ASIC2: variants seen among roughly 807,000 people sequenced by gnomAD.
The protein encoded by ASIC2 is acid sensing ion channel subunit 2, also known as acid-sensing ion channel 2.
In ASIC2, 25 loss-of-function variants were observed where a neutral mutation model predicts 57.3. The observed-to-expected ratio is 0.44, with a 90% CI of 0.32 to 0.61. The LOEUF (loss-of-function observed/expected upper bound fraction) is 0.61. Among genes scored for constraint, ASIC2 ranks in the 20% least tolerant of loss-of-function variants. The pLI, the probability that ASIC2 is intolerant of heterozygous loss-of-function variation, is 0.06. For missense variants in ASIC2, 641 were observed against 738.1 expected (o/e 0.87, Z 1.52); for synonymous variants, 319 against 307.5 (o/e 1.04, Z -0.39).
intron 1 of ASIC2, among the ~76,000 whole-genome samples, chr17:33,180,288 A>G (rs981332556): frequency 2.6e-5 from 4 of 152,214 alleles, no homozygotes; most frequent in African/African-American, 9.7e-5. Flanking sequence ...TTTGTTAGCT[A>G]TGTTGTTAGT....
intron 1 of ASIC2, among the ~76,000 whole-genome samples, chr17:34,122,943 T>C (rs1021537434): frequency 1.3e-5 from 2 of 152,250 alleles, no homozygotes; most frequent in East Asian, 3.9e-4. Context: ...TAATAAAATA[T>C]CCAAATCTGA....
At chr17:33,595,873 A>G (rs1235633507) in intron 1 of ASIC2, among the ~76,000 whole-genome samples, 1 of 152,222 alleles carries the variant, frequency 6.6e-6, no homozygotes, top group Admixed American at 6.5e-5. Context: ...CCCAGGCCTC[A>G]GCTGTGTCTT....
intron 7 of ASIC2, among the ~76,000 whole-genome samples, chr17:33,018,974 A>G (rs1468369014): frequency 6.6e-6 from 1 of 152,138 alleles, no homozygotes. Flanking sequence ...TGCCCGGGTG[A>G]ACAACAGAGA....
chr17:34,127,268 C>T (rs539089706), intron 1 of ASIC2, among the ~76,000 whole-genome samples: 3 of 152,304 alleles, frequency 2.0e-5, no homozygotes, highest in Non-Finnish European at 2.9e-5. Context: ...TCTGGGTCTG[C>T]CTCTGCATCT....
chr17:33,930,820 G>C (rs1037309999), intron 1 of ASIC2, among the ~76,000 whole-genome samples: 1 of 152,232 alleles, frequency 6.6e-6, no homozygotes, highest in Admixed American at 6.5e-5. Context: ...CCCACAGGTG[G>C]TGGAGGGGAT....
chr17:33,695,360 G>C (rs1908492010), intron 1 of ASIC2, among the ~76,000 whole-genome samples: 1 of 152,182 alleles, frequency 6.6e-6, no homozygotes, highest in East Asian at 1.9e-4. Context: ...CTATGGGGTT[G>C]TGGGGCTGGG....
At chr17:33,410,371 G>A (rs150240112) in intron 1 of ASIC2, among the ~76,000 whole-genome samples, 2 of 152,326 alleles carry the variant, frequency 1.3e-5, no homozygotes, top group East Asian at 3.9e-4. Context: ...AAACGTACAT[G>A]AGAGAAGAAC....
At chr17:33,986,745 G>T (rs1210577061) in intron 1 of ASIC2, among the ~76,000 whole-genome samples, 1 of 152,018 alleles carries the variant, frequency 6.6e-6, no homozygotes, top group African/African-American at 2.4e-5. Flanking sequence ...GTAATCCTTT[G>T]AGGTGAGTCT....
chr17:33,678,393 C>T lies in ASIC2; in HGVS notation c.555+477585G>A, dbSNP rs559469638. Among the ~76,000 whole-genome samples, 179 of 148,696 alleles carry T rather than the reference C, an allele frequency of 1.2e-3. 1 individual carries two copies. The highest frequency in any genetic ancestry group is 2.1e-3 in the Non-Finnish European group (140 of 67,446). ...TTCTCTGTGGGTTGAGGAGAGTTTT[C>T]ATTAACATCTCCAAGTTCTGAACTA... On this transcript the variant is annotated intron_variant, in intron 1 of 9. Transcript: ENST00000359872.
chr17:33,263,190 G>C (rs1909345536), intron 1 of ASIC2, among the ~76,000 whole-genome samples: 1 of 152,142 alleles, frequency 6.6e-6, no homozygotes, highest in Non-Finnish European at 1.5e-5. Context: ...ATAAAGACAA[G>C]CCGGGGACCT....
intron 1 of ASIC2, among the ~76,000 whole-genome samples, chr17:33,551,398 C>T (rs894527002): frequency 1.3e-5 from 2 of 152,070 alleles, no homozygotes; most frequent in African/African-American, 4.8e-5. Flanking sequence ...GGGCATGGGC[C>T]AAGGCAGCAC....
intron 1 of ASIC2, among the ~76,000 whole-genome samples, chr17:33,845,451 A>G (rs1438838881): frequency 6.6e-6 from 1 of 151,248 alleles, no homozygotes; most frequent in African/African-American, 2.5e-5. Context: ...GTAAGAGAGC[A>G]GCCTTGAATG....
intron 1 of ASIC2, among the ~76,000 whole-genome samples, chr17:34,103,575 G>C (rs1330139697): frequency 6.6e-6 from 1 of 151,660 alleles, no homozygotes; most frequent in African/African-American, 2.4e-5. Flanking sequence ...TTTTCAATAA[G>C]CCTTATAATT....
intron 1 of ASIC2, among the ~76,000 whole-genome samples, chr17:33,552,358 G>T (rs1002913937): frequency 6.6e-6 from 1 of 152,202 alleles, no homozygotes; most frequent in Admixed American, 6.5e-5. Flanking sequence ...ATGGAGGGTG[G>T]TCAAACTGAT....
chr17:33,230,900 T>C (rs1377239601), intron 1 of ASIC2, among the ~76,000 whole-genome samples: 2 of 152,186 alleles, frequency 1.3e-5, no homozygotes, highest in Non-Finnish European at 2.9e-5. Flanking sequence ...GGTTTCAATA[T>C]AGGCGTCTTT....
chr17:33,790,954 C>A (rs1391373813), intron 1 of ASIC2, among the ~76,000 whole-genome samples: 2 of 152,134 alleles, frequency 1.3e-5, no homozygotes, highest in Non-Finnish European at 2.9e-5. Context: ...AAAACAGAGG[C>A]ACAGAGAGGC....
chr17:33,523,535 G>A, intron 1 of ASIC2, among the ~76,000 whole-genome samples: 1 of 152,140 alleles, frequency 6.6e-6, no homozygotes, highest in South Asian at 2.1e-4. Context: ...TGGGATTGCA[G>A]GCGTGAACCA....
intron 1 of ASIC2, among the ~76,000 whole-genome samples, chr17:33,335,853 A>G (rs543176571): frequency 6.6e-6 from 1 of 152,224 alleles, no homozygotes; most frequent in Non-Finnish European, 1.5e-5. Flanking sequence ...ACACTCCAGG[A>G]GCCCAGAGTT....
intron 1 of ASIC2, among the ~76,000 whole-genome samples, chr17:33,701,151 T>C (rs1008192713): frequency 4.6e-5 from 7 of 152,158 alleles, no homozygotes; most frequent in Admixed American, 2.6e-4. Flanking sequence ...CTGTCAGGGA[T>C]AGCAAAGAAC....
Sources: gnomAD v4.1 joint callset for allele counts (sites outside exome capture counted in the v4.1 genomes callset) on GRCh38, gnomAD v4.1.1 for gene constraint, MANE v1.5 for transcripts, NCBI Gene and HGNC (gene_info 2026-07-23, HGNC 2026-07-21) for gene names.